KIRREL3: variants seen among roughly 807,000 people sequenced by gnomAD.
The protein encoded by KIRREL3 is kirre like nephrin family adhesion molecule 3.
KIRREL3 carries 36 observed loss-of-function variants against 89.7 expected under a neutral mutation model. The observed-to-expected ratio is 0.40, with a 90% CI of 0.31 to 0.53. KIRREL3 has a LOEUF of 0.53. Ranked by LOEUF, KIRREL3 falls within the 20% of genes least tolerant of loss-of-function variation. The probability of loss-of-function intolerance (pLI) is 0.49; values close to 1 mark genes in which losing one functional copy is unlikely to be tolerated. For synonymous variants in KIRREL3, 445 were observed against 441.4 expected, an observed-to-expected ratio of 1.01 and a Z score of -0.10; for missense variants, 864 against 1,056.6, an observed-to-expected ratio of 0.82 and a Z score of 2.53.
chr11:126,458,276 C>T (rs551875927), intron 6 of KIRREL3, among the ~76,000 whole-genome samples: 1 of 152,320 alleles, frequency 6.6e-6, no homozygotes, highest in East Asian at 1.9e-4. Flanking sequence ...AAACCAGTTT[C>T]TCAGAGGCAA....
intron 1 of KIRREL3, among the ~76,000 whole-genome samples, chr11:126,583,123 T>C (rs1014756056): frequency 6.6e-6 from 1 of 152,130 alleles, no homozygotes; most frequent in African/African-American, 2.4e-5. Context: ...CCGGGCCCCA[T>C]ACCTCCTGTG....
In KIRREL3 at chr11:126,523,721, G is replaced by A. The variant is rs547742992; in HGVS notation, c.284-2257C>T. Among the ~76,000 whole-genome samples the A allele has an allele frequency of 7.2e-5, 11 of 152,268 alleles. No homozygotes were observed. In the South Asian group the frequency reaches 1.9e-3, roughly 26 times the overall value. The stretch of plus-strand genomic sequence containing the variant: ...CTAGCCCAATCCTCTCCCTGCTGCC[G>A]CTGCCTTCCTTGTAGCTGGCTGGCT... On this transcript the variant is annotated intron_variant, in intron 3 of 16. Coordinates refer to ENST00000525144, the MANE Select transcript of KIRREL3 (RefSeq NM_032531.4). The surrounding 1 kb of genome is among the most constrained non-coding windows in gnomAD (Gnocchi z 4.9).
chr11:126,577,914 T>G (rs1367278522), intron 1 of KIRREL3, among the ~76,000 whole-genome samples: 1 of 152,158 alleles, frequency 6.6e-6, no homozygotes, highest in East Asian at 1.9e-4. Context: ...AGTGCCATTC[T>G]CACACCCAGT....
chr11:126,767,437 G>A (rs945793818), intron 1 of KIRREL3, among the ~76,000 whole-genome samples: 2 of 152,206 alleles, frequency 1.3e-5, no homozygotes, highest in Non-Finnish European at 2.9e-5. Flanking sequence ...GACTCCTAAA[G>A]CTGGGAATGT....
rs1019763052 is a variant in KIRREL3, at chr11:126,520,350, G to A, written c.433+965C>T. On this transcript the variant is annotated intron_variant, in intron 4 of 16. Coordinates refer to ENST00000525144, the MANE Select transcript of KIRREL3 (RefSeq NM_032531.4). The surrounding 1 kb of genome is among the most constrained non-coding windows in gnomAD (Gnocchi z 4.9). Reference sequence around the variant, plus strand: ...ACGTGTAAGGGGGCAGCGAGGTGGGGCAGGTAGCCCTGGAGCCCTGGCCAG... The same window carrying A: ...ACGTGTAAGGGGGCAGCGAGGTGGGACAGGTAGCCCTGGAGCCCTGGCCAG... Among the ~76,000 whole-genome samples the A allele has an allele frequency of 1.3e-5, 2 of 152,174 alleles. No individual in the cohort carries two copies. The highest frequency in any genetic ancestry group is 2.9e-5 in the Non-Finnish European group (2 of 68,016).
chr11:126,815,683 G>A (rs1196417749), intron 1 of KIRREL3, among the ~76,000 whole-genome samples: 3 of 152,014 alleles, frequency 2.0e-5, no homozygotes, highest in East Asian at 1.9e-4. Context: ...ACAGGCAGCC[G>A]CCACCACGCC....
rs1947498978 is a variant in KIRREL3, at chr11:126,705,644, G to A, written c.56-142732C>T. Among the ~76,000 whole-genome samples the A allele has an allele frequency of 6.6e-6, 1 of 151,646 alleles. No homozygotes were observed. Among genetic ancestry groups the A allele is most frequent in the Non-Finnish European group, 1.5e-5 (1 of 68,036 alleles). ...ATTTCTTTATAGTAATGTAAGAATG[G>A]TCTAACACTACGTATGTGCAAGTGT... On this transcript the variant is annotated intron_variant, in intron 1 of 16. Transcript: ENST00000525144. This position sits in a 1 kb window ranked among gnomAD's most constrained non-coding sequence, Gnocchi z 4.3.
rs1399311275 is a variant in KIRREL3, at chr11:126,776,834, C to A, written c.56-213922G>T. 6.6e-6 allele frequency among the ~76,000 whole-genome samples: 1 copy of A among 152,182 alleles called. No homozygotes were observed. The highest frequency in any genetic ancestry group is 6.5e-5 in the Admixed American group (1 of 15,290). On this transcript the variant is annotated intron_variant, in intron 1 of 16. Transcript: ENST00000525144. The surrounding 1 kb of genome is among the most constrained non-coding windows in gnomAD (Gnocchi z 4.7). ...CTGAGAGATGGGGGCTCATACCCAGCCAGCAGTGTCCCAGCTTTCCTGGCC... is the reference window on the plus strand; with the variant it reads ...CTGAGAGATGGGGGCTCATACCCAGACAGCAGTGTCCCAGCTTTCCTGGCC...
rs1406272896 is a variant in KIRREL3, at chr11:126,908,872, G to A, written c.55+91583C>T. Among the ~76,000 whole-genome samples the A allele has an allele frequency of 6.6e-6, 1 of 152,048 alleles. No individual in the cohort carries two copies. Among genetic ancestry groups the A allele is most frequent in the South Asian group, 2.1e-4 (1 of 4,802 alleles). ...TGGGTATCACAATCTGCGGACGCTC[G>A]AGTCTCTGATATAAAGTAGTGTAGT... On this transcript the variant is annotated intron_variant, in intron 1 of 16. Coordinates refer to ENST00000525144, the MANE Select transcript of KIRREL3 (RefSeq NM_032531.4). The surrounding 1 kb of genome is among the most constrained non-coding windows in gnomAD (Gnocchi z 4.2).
chr11:126,658,144 A>G (rs1945240711), intron 1 of KIRREL3, among the ~76,000 whole-genome samples: 1 of 152,206 alleles, frequency 6.6e-6, no homozygotes, highest in African/African-American at 2.4e-5. Context: ...CCATGTCTGT[A>G]GTGGTAATGC....
intron 1 of KIRREL3, among the ~76,000 whole-genome samples, chr11:126,853,070 G>T (rs1324480948): frequency 2.6e-5 from 4 of 152,052 alleles, no homozygotes; most frequent in Non-Finnish European, 4.4e-5. Context: ...GTTTTTTTGT[G>T]TTGTTGCTTT....
At chr11:126,616,144 T>G in intron 1 of KIRREL3, among the ~76,000 whole-genome samples, 1 of 152,146 alleles carries the variant, frequency 6.6e-6, no homozygotes, top group East Asian at 1.9e-4. Context: ...ATCAAAGTGA[T>G]GGCATAGCTA....
chr11:126,673,658 G>A (rs1485004849), intron 1 of KIRREL3, among the ~76,000 whole-genome samples: 2 of 152,214 alleles, frequency 1.3e-5, no homozygotes, highest in South Asian at 2.1e-4. Flanking sequence ...CTCATCACAC[G>A]TGTGCCTTCC....
rs942179428 is a variant in KIRREL3 at position 126,669,521 on chromosome 11, T to C, written c.56-106609A>G. ...CATGGGCGGTTAGATTTTTAACTTC[T>C]GGTTCGGACTAATACATCTTTTCCA... On this transcript the variant is annotated intron_variant, in intron 1 of 16. Transcript: ENST00000525144. The surrounding 1 kb of genome is among the most constrained non-coding windows in gnomAD (Gnocchi z 5.0). Among the ~76,000 whole-genome samples, 1 of 152,346 alleles carries C rather than the reference T, an allele frequency of 6.6e-6. No homozygotes were observed. Among genetic ancestry groups the C allele is most frequent in the East Asian group, 1.9e-4 (1 of 5,182 alleles).
rs1169210722 is a variant in KIRREL3, at chr11:126,709,898, T to C, written c.56-146986A>G. Among the ~76,000 whole-genome samples, 1 of 152,162 alleles carries C rather than the reference T, an allele frequency of 6.6e-6. No individual in the cohort carries two copies. The highest frequency in any genetic ancestry group is 2.4e-5 in the African/African-American group (1 of 41,438). On this transcript the variant is annotated intron_variant, in intron 1 of 16. Coordinates refer to ENST00000525144, the MANE Select transcript of KIRREL3 (RefSeq NM_032531.4). This position sits in a 1 kb window ranked among gnomAD's most constrained non-coding sequence, Gnocchi z 4.0. ...AGCACTGGGGCACGAGGGTAGGTAA[T>C]GATGTGAGCTACCTTACTGAGCATC... is the stretch of plus-strand genomic sequence containing the variant.
rs941194424 is a variant in KIRREL3, at chr11:126,985,020, G to A, written c.55+15435C>T. 1.3e-5 allele frequency among the ~76,000 whole-genome samples: 2 copies of A among 152,148 alleles called. No individual in the cohort carries two copies. Among genetic ancestry groups the A allele is most frequent in the Non-Finnish European group, 2.9e-5 (2 of 68,034 alleles). ...AAGGCAGGATAAGAGTTGATTCAGG[G>A]AGGAAGACCATAATTAATGTGAAAG... On this transcript the variant is annotated intron_variant, in intron 1 of 16. Transcript: ENST00000525144. The surrounding 1 kb of genome is among the most constrained non-coding windows in gnomAD (Gnocchi z 5.3).
At chr11:126,972,780 C>G (rs1949463462) in intron 1 of KIRREL3, among the ~76,000 whole-genome samples, 1 of 152,172 alleles carries the variant, frequency 6.6e-6, no homozygotes, top group African/African-American at 2.4e-5. Context: ...TCTCTTCCTT[C>G]CCTACATATT....
chr11:126,654,635 C>T (rs189483137), intron 1 of KIRREL3, among the ~76,000 whole-genome samples: 1 of 152,232 alleles, frequency 6.6e-6, no homozygotes, highest in East Asian at 1.9e-4. Context: ...CTGCATCTGT[C>T]TGGAGGGGTT....
rs905434351 is a variant in KIRREL3, at chr11:126,921,580, T to A, written c.55+78875A>T. On this transcript the variant is annotated intron_variant, in intron 1 of 16. Transcript: ENST00000525144. ...ATCTATCAATCTATCTATATCTGTCTTCTATCTATCTATCTATCTATCTAT... is the reference window on the plus strand; with the variant it reads ...ATCTATCAATCTATCTATATCTGTCATCTATCTATCTATCTATCTATCTAT... Among the ~76,000 whole-genome samples, 18 of 32,518 alleles carry A rather than the reference T, an allele frequency of 5.5e-4. 2 individuals are homozygous for A. The highest frequency in any genetic ancestry group is 1.6e-3 in the African/African-American group (8 of 4,960). 21.3% of individuals were successfully genotyped at this position (32,518 alleles called of 152,430 possible). A position where few individuals can be genotyped will look rare whatever the true frequency, so the allele number is the denominator to read the frequency against.
Sources: gnomAD v4.1 joint callset for allele counts (sites outside exome capture counted in the v4.1 genomes callset) on GRCh38, gnomAD v4.1.1 for gene constraint, Gnocchi (gnomAD v3.1) non-coding constraint, MANE v1.5 for transcripts, NCBI Gene and HGNC (gene_info 2026-07-23, HGNC 2026-07-21) for gene names.